The following QSOX2 variants were observed in gnomAD, a reference collection of about 807,000 sequenced individuals.
QSOX2 encodes the protein quiescin sulfhydryl oxidase 2.
Under a neutral mutation model 61.7 loss-of-function variants are expected in QSOX2, and 46 were observed. The ratio of observed to expected loss-of-function variants is 0.75; its 90% CI spans 0.59 to 0.95. The LOEUF (loss-of-function observed/expected upper bound fraction) is 0.95, where lower values mean the gene tolerates loss of function less well. QSOX2 is among the 40% of genes least tolerant of loss of function. The pLI, the probability that QSOX2 is intolerant of heterozygous loss-of-function variation, is 0.00. For synonymous variants in QSOX2, 383 were observed against 388.4 expected, an observed-to-expected ratio of 0.99 and a Z score of 0.16; for missense variants, 879 against 918.9, an observed-to-expected ratio of 0.96 and a Z score of 0.56.
chr9:136,218,326 C>A (rs529288941), intron 8 of QSOX2, among the ~76,000 whole-genome samples: 2 of 152,336 alleles, frequency 1.3e-5, no homozygotes, highest in East Asian at 3.9e-4. Flanking sequence ...TCTCTCCCCC[C>A]AGCCCCCGTG....
At chr9:136,218,102 G>A (rs887087789) in intron 8 of QSOX2, among the ~76,000 whole-genome samples, 3 of 152,230 alleles carry the variant, frequency 2.0e-5, no homozygotes, top group African/African-American at 7.2e-5. Context: ...CTCCCTGGCT[G>A]GTCCTCTTCA....
intron 11 of QSOX2, chr9:136,211,026 G>T: frequency 1.8e-6 from 1 of 556,752 alleles, no homozygotes; most frequent in Non-Finnish European, 2.3e-6. Flanking sequence ...TTTCCACGGG[G>T]TCGAAGAGCC....
chr9:136,209,335 G>A lies in QSOX2; in HGVS notation c.1550-60C>T. 6.4e-7 allele frequency: 1 copy of A among 1,564,544 alleles called. No homozygotes were observed. The highest frequency in any genetic ancestry group is 8.7e-7 in the Non-Finnish European group (1 of 1,153,132). On this transcript the variant is annotated intron_variant, in intron 11 of 11. Coordinates refer to ENST00000358701, the MANE Select transcript of QSOX2 (RefSeq NM_181701.4). The surrounding 1 kb of genome is among the most constrained non-coding windows in gnomAD (Gnocchi z 5.6). ...AGGAGGCTTTGTGCAGCCACGTGCA[G>A]CGTGCGGCAACCGGACTCCCACTCC...
intron 8 of QSOX2, among the ~76,000 whole-genome samples, chr9:136,217,481 G>A (rs1018962401): frequency 2.6e-5 from 4 of 152,234 alleles, no homozygotes; most frequent in Non-Finnish European, 5.9e-5. Context: ...GGCATCTTCA[G>A]CTCAGTCCAA....
Position 136,208,656 on chromosome 9 carries a change from T to G in QSOX2, c.*72A>C. 6.7e-7 allele frequency: 1 copy of G among 1,489,636 alleles called. No homozygotes were observed. Among genetic ancestry groups the G allele is most frequent in the Non-Finnish European group, 9.0e-7 (1 of 1,116,652 alleles). The allele number at this position is 1,489,636 out of a possible 1,614,324, so 92.3% of individuals were successfully genotyped here. A position where few individuals can be genotyped will look rare whatever the true frequency, so the allele number is the denominator to read the frequency against. ...TTATAAAATCCCTGATCATAAATAT[T>G]AAAGCTGCAGGTGGCACGGGGCAGG... is the stretch of plus-strand genomic sequence containing the variant. On this transcript the variant is annotated 3_prime_UTR_variant, in exon 12 of 12. Transcript: ENST00000358701.
In QSOX2 at chr9:136,245,731, A is replaced by C; in HGVS notation, c.73T>G (p.Ser25Ala). 1 of 1,139,772 alleles carries C rather than the reference A, an allele frequency of 8.8e-7. No individual in the cohort carries two copies. The highest frequency in any genetic ancestry group is 1.1e-6 in the Non-Finnish European group (1 of 930,098). The allele number at this position is 1,139,772 out of a possible 1,614,324, so 70.6% of individuals were successfully genotyped here. A position where few individuals can be genotyped will look rare whatever the true frequency, so the allele number is the denominator to read the frequency against. The change falls in exon 1 of 12, where the codon TCG becomes GCG. Residue 25 changes from serine (S) to alanine (A), a missense_variant. Transcript: ENST00000358701. Reference protein sequence around the residue: ...GAGPALRARRSPPPRAARLPR... With the variant: ...GAGPALRARRAPPPRAARLPR... ...AGCCGTGCGGCCCGCGGCGGGGGCGAGCGCCGGGCTCTCAGCGCAGGTCCC... is the reference window on the plus strand; with the variant it reads ...AGCCGTGCGGCCCGCGGCGGGGGCGCGCGCCGGGCTCTCAGCGCAGGTCCC...
intron 10 of QSOX2, among the ~76,000 whole-genome samples, chr9:136,212,269 C>T (rs753438454): frequency 2.6e-5 from 4 of 152,184 alleles, no homozygotes; most frequent in Non-Finnish European, 5.9e-5. Context: ...CCCACTCAGA[C>T]GACTGACACA....
At position 136,211,247 on chromosome 9, in the gene QSOX2, G is replaced by A. The variant is rs1588631861; in HGVS notation, c.1549+17C>T. On this transcript the variant is annotated intron_variant, in intron 11 of 11. Transcript: ENST00000358701. ...CCTCCGCCCGTGCTGAGCCCCCCAT[G>A]CCCAGGGGCTTCTCACCTGCCAGGC... 1 of 1,612,050 alleles carries A rather than the reference G, an allele frequency of 6.2e-7. No individual in the cohort carries two copies.
chr9:136,225,086 C>T (rs998696612), intron 2 of QSOX2, among the ~76,000 whole-genome samples, 177 bp from the exon 3 acceptor site: 4 of 152,192 alleles, frequency 2.6e-5, no homozygotes, highest in African/African-American at 7.2e-5. Context: ...TTAATGTTTC[C>T]TGTCAGATTT....
chr9:136,233,085 A>G (rs1830347315), intron 1 of QSOX2, among the ~76,000 whole-genome samples: 1 of 152,108 alleles, frequency 6.6e-6, no homozygotes, highest in African/African-American at 2.4e-5. Flanking sequence ...CAGTCGGGAG[A>G]GGCTGACTCT....
intron 1 of QSOX2, among the ~76,000 whole-genome samples, chr9:136,229,328 G>A (rs977852011): frequency 1.3e-5 from 2 of 152,202 alleles, no homozygotes; most frequent in African/African-American, 2.4e-5. Context: ...GCGGAAACAG[G>A]AGGTGCTCCC....
intron 2 of QSOX2, among the ~76,000 whole-genome samples, chr9:136,225,871 G>GA (rs1564293894): frequency 6.6e-6 from 1 of 152,268 alleles, no homozygotes; most frequent in Non-Finnish European, 1.5e-5. Flanking sequence ...AGCACAGTGT[G>GA]AACTGTGTCT....
chr9:136,244,769 C>A (rs929990416), intron 1 of QSOX2, among the ~76,000 whole-genome samples: 2 of 152,190 alleles, frequency 1.3e-5, no homozygotes, highest in African/African-American at 4.8e-5. Context: ...ACACTACCAG[C>A]AGTTTGGTGA....
chr9:136,238,152 G>A (rs1234644915), intron 1 of QSOX2, among the ~76,000 whole-genome samples: 1 of 152,238 alleles, frequency 6.6e-6, no homozygotes, highest in African/African-American at 2.4e-5. Flanking sequence ...ACCCCAACAT[G>A]ATGCTGAGAG....
intron 8 of QSOX2, 107 bp downstream of exon 8, chr9:136,218,572 C>A: frequency 7.5e-7 from 1 of 1,328,804 alleles, no homozygotes; most frequent in Non-Finnish European, 1.0e-6. Flanking sequence ...AGGTGGAGAG[C>A]ACCTCAGCGG....
At chr9:136,243,590 A>G (rs1657247881) in intron 1 of QSOX2, among the ~76,000 whole-genome samples, 1 of 152,224 alleles carries the variant, frequency 6.6e-6, no homozygotes, top group Admixed American at 6.5e-5. Context: ...AAATGTATAA[A>G]ATCAAATTAA....
intron 3 of QSOX2, among the ~76,000 whole-genome samples, chr9:136,224,495 G>GC (rs1830261014): frequency 6.6e-6 from 1 of 152,094 alleles, no homozygotes; most frequent in Non-Finnish European, 1.5e-5. Context: ...CACAGGCAGA[G>GC]CCCCCCAGGG....
rs58474709 is a variant in QSOX2, at chr9:136,207,364, TACACACACACACACACACACACAC to T, written c.*1340_*1363del. ...ACCGTCAAAGTCTCTCTCTCTCTCA[TACACACACACACACACACACACAC>T]ACACACACACACACGGGCACACAAA... On this transcript the variant is annotated 3_prime_UTR_variant, in exon 12 of 12. Transcript: ENST00000358701. 2 of 145,032 alleles carry T rather than the reference TACACACACACACACACACACACAC, an allele frequency of 1.4e-5. No homozygotes were observed. The highest frequency in any genetic ancestry group is 2.2e-4 in the South Asian group (1 of 4,446). The allele number at this position is 145,032 out of a possible 1,614,324, so 9.0% of individuals were successfully genotyped here. A position where few individuals can be genotyped will look rare whatever the true frequency, so the allele number is the denominator to read the frequency against.
At chr9:136,232,310 G>C (rs945588745) in intron 1 of QSOX2, among the ~76,000 whole-genome samples, 6 of 152,120 alleles carry the variant, frequency 3.9e-5, no homozygotes, top group African/African-American at 1.4e-4. Context: ...ACATGGGAAG[G>C]GGTCACCTTG....
Sources: allele counts gnomAD v4.1 joint callset (sites outside exome capture counted in the v4.1 genomes callset), GRCh38; gene constraint gnomAD v4.1.1; non-coding constraint Gnocchi (gnomAD v3.1); transcripts MANE v1.5; gene names NCBI Gene and HGNC (gene_info 2026-07-23, HGNC 2026-07-21).